The following NTRK2 variants were observed in gnomAD, a reference collection of about 807,000 sequenced individuals.
NTRK2 encodes the protein neurotrophic receptor tyrosine kinase 2, also known as BDNF/NT-3 growth factors receptor.
A neutral mutation model predicts 94.5 loss-of-function variants in NTRK2; 13 were observed. The observed-to-expected ratio is 0.14, with a 90% CI of 0.09 to 0.22. NTRK2 has a LOEUF of 0.22. Among genes scored for constraint, NTRK2 ranks in the 10% least tolerant of loss-of-function variants. The pLI is 1.00. For synonymous variants in NTRK2, 372 were observed against 407.4 expected, an observed-to-expected ratio of 0.91 and a Z score of 1.05; for missense variants, 639 against 1,071.2, an observed-to-expected ratio of 0.60 and a Z score of 5.63.
intron 14 of NTRK2, chr9:84,874,427 T>C (rs1587781613): frequency 9.4e-7 from 1 of 1,065,740 alleles, no homozygotes; most frequent in Non-Finnish European, 1.1e-6. Flanking sequence ...CCTGTGAGAG[T>C]AACCACCGTA....
chr9:84,877,880 A>C (rs1428663960), intron 14 of NTRK2: 1 of 1,028,222 alleles, frequency 9.7e-7, no homozygotes, highest in Non-Finnish European at 1.2e-6. Context: ...TATACCAATA[A>C]AGACAAGACT....
chr9:84,982,500 A>G (rs1827753272), intron 17 of NTRK2, among the ~76,000 whole-genome samples: 1 of 152,208 alleles, frequency 6.6e-6, no homozygotes, highest in South Asian at 2.1e-4. Context: ...GTCTGAATCC[A>G]TGTGGTAGCT....
chr9:84,837,314 A>G (rs763460209), intron 12 of NTRK2, among the ~76,000 whole-genome samples: 12 of 152,146 alleles, frequency 7.9e-5, no homozygotes, highest in Non-Finnish European at 1.5e-4. Context: ...GGGTTTGGCT[A>G]TGGGGATCAA....
chr9:84,810,757 T>C, intron 12 of NTRK2: 1 of 1,462,278 alleles, frequency 6.8e-7, no homozygotes, highest in Non-Finnish European at 9.0e-7. Context: ...GCATATACTG[T>C]GAGCTGTGAT....
Position 84,965,769 on chromosome 9 carries a change from T to C in NTRK2, c.2172+10252T>C, listed in dbSNP as rs1027895145. The stretch of plus-strand genomic sequence containing the variant: ...TGTAAGTCTTTCAAAATGAAGATGC[T>C]CTTCAAAGTAGTGGGTCTTCAGGAT... On this transcript the variant is annotated intron_variant, in intron 17 of 18. Coordinates refer to ENST00000277120, the MANE Select transcript of NTRK2 (RefSeq NM_006180.6). Among the ~76,000 whole-genome samples the C allele has an allele frequency of 3.3e-5, 5 of 152,262 alleles. No homozygotes were observed. The East Asian group carries it at 5.8e-4, about 18-fold the overall frequency.
At chr9:84,796,663 G>T (rs2069361660) in intron 12 of NTRK2, among the ~76,000 whole-genome samples, 1 of 152,130 alleles carries the variant, frequency 6.6e-6, no homozygotes, top group South Asian at 2.1e-4. Context: ...AAAAACTCTT[G>T]CTGATTCAGA....
At chr9:85,002,406 T>C (rs958335660) in intron 17 of NTRK2, among the ~76,000 whole-genome samples, 1 of 152,144 alleles carries the variant, frequency 6.6e-6, no homozygotes. Context: ...GCTTCCCAGG[T>C]GCTGTGGGTG....
intron 14 of NTRK2, among the ~76,000 whole-genome samples, chr9:84,932,624 A>G (rs554495712): frequency 7.2e-5 from 11 of 152,320 alleles, no homozygotes; most frequent in Admixed American, 5.9e-4. Context: ...CTAAATCTCT[A>G]CTTTGAGTTG....
chr9:84,991,617 G>A lies in NTRK2; in HGVS notation c.2173-28589G>A, dbSNP rs147270587. On this transcript the variant is annotated intron_variant, in intron 17 of 18. Transcript: ENST00000277120. Reference sequence around the variant, plus strand: ...GGAATTTTTCTCCCCACATCTCTATGGTGAGTTTTCCCAGCTTTGGAAGGC... The same window carrying A: ...GGAATTTTTCTCCCCACATCTCTATAGTGAGTTTTCCCAGCTTTGGAAGGC... Among the ~76,000 whole-genome samples, 500 of 152,250 alleles carry A rather than the reference G, an allele frequency of 3.3e-3. 1 individual carries two copies. Among genetic ancestry groups the A allele is most frequent in the African/African-American group, 0.011 (477 of 41,536 alleles).
chr9:84,958,484 G>C (rs1251277281), intron 17 of NTRK2, among the ~76,000 whole-genome samples: 7 of 152,196 alleles, frequency 4.6e-5, no homozygotes, highest in Admixed American at 4.6e-4. Flanking sequence ...ACGATTCCCA[G>C]TTCCTTTATT....
At chr9:84,873,315 TA>T (rs2075939720) in intron 14 of NTRK2, 2 of 1,058,936 alleles carry the variant, frequency 1.9e-6, no homozygotes, top group Admixed American at 5.4e-5. Context: ...GCCTGCACTT[TA>T]AAAATAAGCT....
intron 17 of NTRK2, among the ~76,000 whole-genome samples, chr9:84,971,369 G>C (rs1458594840): frequency 1.3e-5 from 2 of 152,136 alleles, no homozygotes; most frequent in Non-Finnish European, 1.5e-5. Flanking sequence ...AACAAGACCT[G>C]TGATAAATGG....
At chr9:84,855,442 G>A (rs369215558) in intron 12 of NTRK2, among the ~76,000 whole-genome samples, 1 of 152,100 alleles carries the variant, frequency 6.6e-6, no homozygotes, top group Admixed American at 6.6e-5. Flanking sequence ...TTAGCATTTG[G>A]GGGTGAGAAC....
rs543864076 is a variant in NTRK2, at chr9:84,965,386, G to A, written c.2172+9869G>A. On this transcript the variant is annotated intron_variant, in intron 17 of 18. Transcript: ENST00000277120. Reference sequence around the variant, plus strand: ...CACACGTGTCCTGGGGAGAAGAGACGTAAATGAATCACTCTGATACTAGGC... The same window carrying A: ...CACACGTGTCCTGGGGAGAAGAGACATAAATGAATCACTCTGATACTAGGC... 3.9e-4 allele frequency among the ~76,000 whole-genome samples: 59 copies of A among 152,316 alleles called. 1 individual carries two copies. The highest frequency in any genetic ancestry group is 6.3e-4 in the Non-Finnish European group (43 of 68,024).
At chr9:84,983,314 A>C (rs1827881449) in intron 17 of NTRK2, among the ~76,000 whole-genome samples, 1 of 152,180 alleles carries the variant, frequency 6.6e-6, no homozygotes, top group African/African-American at 2.4e-5. Context: ...TGTGGTCAGC[A>C]CCAACAGATT....
chr9:84,800,780 C>A (rs1187284), intron 12 of NTRK2, among the ~76,000 whole-genome samples: 12 of 152,080 alleles, frequency 7.9e-5, no homozygotes, highest in Admixed American at 6.5e-4. Flanking sequence ...CAAGAGGGCA[C>A]GAGCCCACCC....
chr9:84,752,122 A>G (rs753564464), intron 12 of NTRK2, 37 bp downstream of exon 12: 2 of 1,516,422 alleles, frequency 1.3e-6, no homozygotes, highest in South Asian at 1.1e-5. Flanking sequence ...TCTTATGTGG[A>G]TCATTTTTGG....
chr9:84,972,628 G>A (rs903667463), intron 17 of NTRK2, among the ~76,000 whole-genome samples: 4 of 152,106 alleles, frequency 2.6e-5, no homozygotes, highest in South Asian at 2.1e-4. Flanking sequence ...ACTTTGATGT[G>A]TTTTTGGGGT....
In NTRK2 at chr9:84,781,487, A is replaced by T. The variant is rs148952522; in HGVS notation, c.1396+29402A>T. 8.5e-4 allele frequency among the ~76,000 whole-genome samples: 129 copies of T among 152,316 alleles called. 4 individuals are homozygous for T. The highest frequency in any genetic ancestry group is 7.1e-3 in the Admixed American group (108 of 15,292). On this transcript the variant is annotated intron_variant, in intron 12 of 18. Coordinates refer to ENST00000277120, the MANE Select transcript of NTRK2 (RefSeq NM_006180.6). ...CATCTAATTCAAGAATTACCCATTA[A>T]AGACCTAGCCTTTTTTGCTTCCCGT... is the stretch of plus-strand genomic sequence containing the variant.
Sources: gnomAD v4.1 joint callset for allele counts (sites outside exome capture counted in the v4.1 genomes callset) on GRCh38, gnomAD v4.1.1 for gene constraint, MANE v1.5 for transcripts, NCBI Gene and HGNC (gene_info 2026-07-23, HGNC 2026-07-21) for gene names.